PTPRT: variants seen among roughly 807,000 people sequenced by gnomAD.
The protein encoded by PTPRT is protein tyrosine phosphatase receptor type T, also known as receptor-type tyrosine-protein phosphatase T.
A neutral mutation model predicts 176.8 loss-of-function variants in PTPRT; 56 were observed. That is an observed-to-expected ratio of 0.32 (90% CI 0.26 to 0.40). The LOEUF (loss-of-function observed/expected upper bound fraction) is 0.40, where lower values mean the gene tolerates loss of function less well. PTPRT is among the 10% of genes least tolerant of loss of function. The pLI is 1.00. For synonymous variants in PTPRT, 783 were observed against 739.0 expected (o/e 1.06, Z -0.96); for missense variants, 1,540 against 1,908.2 (o/e 0.81, Z 3.60).
the PTPRT span, among the ~76,000 whole-genome samples, chr20:42,042,969 A>G: frequency 6.6e-6 from 1 of 152,220 alleles, no homozygotes; most frequent in Non-Finnish European, 1.5e-5. Flanking sequence ...CAGGAAGTAA[A>G]TCAAACATCA....
chr20:42,716,079 T>C (rs183611201), intron 6 of PTPRT, among the ~76,000 whole-genome samples: 18 of 152,302 alleles, frequency 1.2e-4, no homozygotes, highest in Admixed American at 4.6e-4. Flanking sequence ...CTTCCACTCT[T>C]GGTGGCTGCT....
At chr20:42,460,807 A>G (rs1444126219) in intron 8 of PTPRT, among the ~76,000 whole-genome samples, 2 of 152,198 alleles carry the variant, frequency 1.3e-5, no homozygotes, top group Non-Finnish European at 1.5e-5. Flanking sequence ...CCTCCCAGCC[A>G]TGCTGATTTA....
chr20:42,960,972 C>G (rs766830900), intron 1 of PTPRT, among the ~76,000 whole-genome samples: 1 of 152,030 alleles, frequency 6.6e-6, no homozygotes, highest in African/African-American at 2.4e-5. Flanking sequence ...GTATATTTTT[C>G]TAAGATGATT....
At chr20:42,168,181 AGG>A (rs1989913543) in intron 16 of PTPRT, among the ~76,000 whole-genome samples, 8 of 152,100 alleles carry the variant, frequency 5.3e-5, no homozygotes, top group African/African-American at 1.9e-4. Flanking sequence ...GAGGAGGAGG[AGG>A]AGGAAGAAGA....
chr20:42,087,895 A>T (rs1984165201), intron 27 of PTPRT, among the ~76,000 whole-genome samples: 1 of 143,476 alleles, frequency 7.0e-6, no homozygotes, highest in Non-Finnish European at 1.5e-5. Context: ...AAAAAAAAAA[A>T]TAGAAGAAGA....
At chr20:42,899,494 G>A (rs1250151008) in intron 1 of PTPRT, among the ~76,000 whole-genome samples, 1 of 152,200 alleles carries the variant, frequency 6.6e-6, no homozygotes, top group Non-Finnish European at 1.5e-5. Context: ...AAAATCAAAT[G>A]CAAAACAGCC....
At chr20:42,189,935 A>G (rs13040788) in intron 16 of PTPRT, among the ~76,000 whole-genome samples, 47,266 of 152,076 alleles carry the variant, frequency 0.31, 8,335 homozygotes, top group East Asian at 0.37. Flanking sequence ...TTTGTGATGG[A>G]AAATTGGTCA....
At chr20:42,679,715 ATT>A (rs11344776) in intron 6 of PTPRT, among the ~76,000 whole-genome samples, 4 of 150,896 alleles carry the variant, frequency 2.7e-5, no homozygotes, top group African/African-American at 7.3e-5. Context: ...TATTGTAAGG[ATT>A]TTTTTTTTCA....
chr20:42,423,178 TAAAAA>T (rs34775268), intron 9 of PTPRT, among the ~76,000 whole-genome samples: 3 of 88,112 alleles, frequency 3.4e-5, no homozygotes, highest in African/African-American at 4.4e-5. Flanking sequence ...ACCTTAAAAG[TAAAAA>T]AAAAAAAAAA....
chr20:42,785,549 G>A (rs545435211), intron 3 of PTPRT, among the ~76,000 whole-genome samples: 3 of 152,276 alleles, frequency 2.0e-5, no homozygotes, highest in Middle Eastern at 6.8e-3. Flanking sequence ...AGTCTTGTGG[G>A]TGCTTGTCCC....
At chr20:42,954,156 C>T (rs1435133272) in intron 1 of PTPRT, among the ~76,000 whole-genome samples, 1 of 152,138 alleles carries the variant, frequency 6.6e-6, no homozygotes, top group Admixed American at 6.5e-5. Flanking sequence ...TGACTGGTCT[C>T]AGCGAGACTA....
intron 1 of PTPRT, among the ~76,000 whole-genome samples, chr20:43,038,860 T>TA (rs1209623184): frequency 2.0e-5 from 3 of 151,484 alleles, no homozygotes; most frequent in Admixed American, 1.3e-4. Flanking sequence ...TACAGATAAA[T>TA]AAAAAATAAA....
the PTPRT span, among the ~76,000 whole-genome samples, chr20:42,038,396 A>G: frequency 1.3e-5 from 2 of 152,206 alleles, no homozygotes; most frequent in Non-Finnish European, 2.9e-5. Flanking sequence ...AGTGTTAGGC[A>G]TGATGTAGAA....
intron 16 of PTPRT, among the ~76,000 whole-genome samples, chr20:42,167,533 T>C (rs1299427555): frequency 1.3e-5 from 2 of 152,236 alleles, no homozygotes; most frequent in African/African-American, 4.8e-5. Context: ...AGTATCAATG[T>C]ATTTCTTCTA....
chr20:42,816,516 A>T (rs1197233611), intron 2 of PTPRT, among the ~76,000 whole-genome samples: 3 of 152,132 alleles, frequency 2.0e-5, no homozygotes, highest in Non-Finnish European at 4.4e-5. Flanking sequence ...AGAAGGAGGG[A>T]CCTGTAATCC....
In PTPRT at chr20:42,334,045, C is replaced by A. The variant is rs1031727203; in HGVS notation, c.1865+16583G>T. 3.3e-5 allele frequency among the ~76,000 whole-genome samples: 5 copies of A among 152,174 alleles called. No individual in the cohort carries two copies. The South Asian group carries it at 8.3e-4, about 25-fold the overall frequency. ...GACAAAACCCACATAAACAAAAGTT[C>A]TTTGATGCCTTCATTAATTTTTAAG... On this transcript the variant is annotated intron_variant, in intron 11 of 30. Transcript: ENST00000373187.
chr20:42,368,830 C>T (rs1319166482), intron 9 of PTPRT, among the ~76,000 whole-genome samples: 1 of 152,110 alleles, frequency 6.6e-6, no homozygotes, highest in African/African-American at 2.4e-5. Context: ...CCATGGAGAC[C>T]TGCTCATACT....
At chr20:42,360,030 C>T (rs886814927) in intron 9 of PTPRT, among the ~76,000 whole-genome samples, 2 of 152,222 alleles carry the variant, frequency 1.3e-5, no homozygotes, top group African/African-American at 4.8e-5. Context: ...TTCCTATTGG[C>T]TGTGGGATCA....
At chr20:42,610,371 C>G (rs570977684) in intron 7 of PTPRT, among the ~76,000 whole-genome samples, 1 of 140,078 alleles carries the variant, frequency 7.1e-6, no homozygotes. Flanking sequence ...TGCGGGTTTA[C>G]TTGTTTTGTT....
Sources: allele counts gnomAD v4.1 joint callset (sites outside exome capture counted in the v4.1 genomes callset), GRCh38; gene constraint gnomAD v4.1.1; transcripts MANE v1.5; gene names NCBI Gene and HGNC (gene_info 2026-07-23, HGNC 2026-07-21).